The following XPO1 variants were observed in gnomAD, a reference collection of about 807,000 sequenced individuals.
The protein encoded by XPO1 is exportin-1.
XPO1 carries 5 observed loss-of-function variants against 133.3 expected under a neutral mutation model. The ratio of observed to expected loss-of-function variants is 0.04; its 90% CI spans 0.02 to 0.08. The LOEUF (loss-of-function observed/expected upper bound fraction) is 0.08, where lower values mean the gene tolerates loss of function less well. Ranked by LOEUF, XPO1 falls within the 10% of genes least tolerant of loss-of-function variation. XPO1 has a pLI of 1.00. For synonymous variants in XPO1, 419 were observed against 408.2 expected, an observed-to-expected ratio of 1.03 and a Z score of -0.32; for missense variants, 506 against 1,267.5, an observed-to-expected ratio of 0.40 and a Z score of 9.12.
At chr2:61,509,157 A>T (rs986724629) in intron 4 of XPO1, among the ~76,000 whole-genome samples, 1 of 148,434 alleles carries the variant, frequency 6.7e-6, no homozygotes, top group Non-Finnish European at 1.5e-5. Context: ...GCCCGTCACC[A>T]CGCCCAGCTG....
In XPO1 at chr2:61,495,530, C is replaced by T; in HGVS notation, c.972G>A (p.Leu324=). The change falls in exon 11 of 25, where the codon TTG becomes TTA. Residue 324 remains leucine (L), a synonymous_variant. Coordinates refer to ENST00000401558, the MANE Select transcript of XPO1 (RefSeq NM_003400.4). The part of the protein sequence containing the change: ...DEQNFIQNLS[L]FLCTFLKEHD... ...GTTCCTTAAGAAAGGTGCAGAGAAA[C>T]AAACTGAGATTTTGAATGAAGTTCT... 6.3e-7 allele frequency: 1 copy of T among 1,596,512 alleles called. No individual in the cohort carries two copies. The highest frequency in any genetic ancestry group is 1.7e-5 in the Admixed American group (1 of 59,258).
At chr2:61,495,315 T>C (rs1219492586) in intron 11 of XPO1, 140 bp downstream of exon 11, 5 of 590,326 alleles carry the variant, frequency 8.5e-6, no homozygotes, top group Non-Finnish European at 1.2e-5. Context: ...TAATTCAGAA[T>C]TGAGAATATA....
intron 4 of XPO1, among the ~76,000 whole-genome samples, chr2:61,506,213 G>A (rs1558654222): frequency 6.6e-6 from 1 of 152,234 alleles, no homozygotes; most frequent in South Asian, 2.1e-4. Flanking sequence ...TTGAGGTCAG[G>A]AGTTCCAGAC....
intron 3 of XPO1, among the ~76,000 whole-genome samples, chr2:61,523,582 G>C (rs1698788136): frequency 6.6e-6 from 1 of 152,140 alleles, no homozygotes; most frequent in Non-Finnish European, 1.5e-5. Context: ...GAGAATTAGG[G>C]AAGAATCAGC....
intron 9 of XPO1, 116 bp downstream of exon 9, chr2:61,498,557 T>C: frequency 2.2e-6 from 3 of 1,353,428 alleles, no homozygotes; most frequent in Non-Finnish European, 3.0e-6. Flanking sequence ...CTGAGCAGCG[T>C]CCTCGTGTTA....
rs570992224 is a variant in XPO1, at chr2:61,485,475, C to CCG, written c.2508+292_2508+293insCG. 3.2e-4 allele frequency: 47 copies of CCG among 145,294 alleles called. 3 individuals carry two copies. The East Asian group carries it at 9.6e-3, about 30-fold the overall frequency. 9.0% of individuals were successfully genotyped at this position (145,294 alleles called of 1,614,324 possible). On this transcript the variant is annotated intron_variant, in intron 20 of 24. Transcript: ENST00000401558. ...TCTTGAACTCCCAGGCTCAAGTGAC[C>CCG]CCCCCCCCCACTTCAGCCTTTCGAG...
chr2:61,524,239 C>A (rs560464675), intron 3 of XPO1, among the ~76,000 whole-genome samples: 13 of 152,232 alleles, frequency 8.5e-5, no homozygotes, highest in Non-Finnish European at 1.3e-4. Flanking sequence ...CTTTAAAACA[C>A]TAAGAAACAA....
rs1044149348 is a variant in XPO1 at position 61,499,999 on chromosome 2, C to A, written c.409-105G>T. The A allele has an allele frequency of 4.3e-5, 50 of 1,150,326 alleles. No individual in the cohort carries two copies. The African/African-American group carries it at 7.2e-4, about 17-fold the overall frequency. The allele number at this position is 1,150,326 out of a possible 1,614,324, so 71.3% of individuals were successfully genotyped here. On this transcript the variant is annotated intron_variant, in intron 6 of 24. Transcript: ENST00000401558. ...GATAAAGGCAGGAGTAAGGATAAAT[C>A]ACTTTTCATTTTCTCCTCCTTTATT... is the stretch of plus-strand genomic sequence containing the variant.
At chr2:61,484,145 C>G in intron 20 of XPO1, 40 bp from the exon 21 acceptor site, 1 of 1,553,688 alleles carries the variant, frequency 6.4e-7, no homozygotes, top group South Asian at 1.1e-5. Context: ...GTTTCAGTGT[C>G]TTTGTTGTGC....
chr2:61,511,958 C>T (rs935533140), intron 4 of XPO1, among the ~76,000 whole-genome samples: 6 of 151,692 alleles, frequency 4.0e-5, no homozygotes, highest in Non-Finnish European at 8.8e-5. Flanking sequence ...TTAGTAGAGA[C>T]GGGGTTTCAC....
chr2:61,482,593 T>C, intron 22 of XPO1, 54 bp from the exon 23 acceptor site: 1 of 1,414,692 alleles, frequency 7.1e-7, no homozygotes, highest in East Asian at 2.5e-5. Context: ...CTATAGATCT[T>C]AGCGTTTTTT....
intron 7 of XPO1, 115 bp from the exon 8 acceptor site, chr2:61,499,028 T>C (rs1697375982): frequency 1.6e-6 from 2 of 1,229,826 alleles, no homozygotes; most frequent in East Asian, 2.6e-5. Context: ...ATGCCTGTAA[T>C]CGCAGAACTT....
chr2:61,522,565 G>A (rs1698746373), intron 4 of XPO1, 46 bp downstream of exon 4: 1 of 1,536,378 alleles, frequency 6.5e-7, no homozygotes, highest in Non-Finnish European at 9.0e-7. Context: ...CAATAAAAAT[G>A]CCAGGAAAAA....
intron 9 of XPO1, among the ~76,000 whole-genome samples, chr2:61,498,446 T>C (rs1055737644): frequency 6.6e-6 from 1 of 152,216 alleles, no homozygotes; most frequent in Non-Finnish European, 1.5e-5. Flanking sequence ...ATCAAATCCA[T>C]TGTTCAAAAT....
In XPO1 at chr2:61,482,471, A is replaced by T. The variant is rs757807896; in HGVS notation, c.2881T>A (p.Ser961Thr). 6.2e-7 allele frequency: 1 copy of T among 1,613,576 alleles called. No individual in the cohort carries two copies. The highest frequency in any genetic ancestry group is 1.1e-5 in the South Asian group (1 of 90,966). The part of the protein sequence containing the change: ...NLVEEGKIST[S>T]LNPGNPVNNQ... ...TTAACTGGATTTCCAGGATTTAATG[A>T]TGTACTTATTTTTCCTTCTTCAACC... is the stretch of plus-strand genomic sequence containing the variant. The change falls in exon 23 of 25, where the codon TCA (serine) becomes ACA (threonine). Residue 961 changes from serine (S) to threonine (T), a missense_variant. By Grantham distance (58) the Ser-to-Thr change is moderately conservative. Coordinates refer to ENST00000401558, the MANE Select transcript of XPO1 (RefSeq NM_003400.4).
intron 4 of XPO1, among the ~76,000 whole-genome samples, chr2:61,520,356 A>C (rs1246910271): frequency 6.6e-6 from 1 of 152,194 alleles, no homozygotes; most frequent in Non-Finnish European, 1.5e-5. Context: ...TTAAAAAGGT[A>C]ATCATGTTGA....
intron 19 of XPO1, 128 bp downstream of exon 19, chr2:61,488,032 TAAATA>T (rs1170859628): frequency 2.3e-5 from 17 of 743,444 alleles, no homozygotes; most frequent in Non-Finnish European, 3.8e-5. Flanking sequence ...AGGACTACAA[TAAATA>T]AAATGCCATA....
intron 3 of XPO1, among the ~76,000 whole-genome samples, chr2:61,524,582 A>G (rs1439819315): frequency 6.6e-6 from 1 of 152,234 alleles, no homozygotes; most frequent in Admixed American, 6.5e-5. Context: ...CCAGACATAA[A>G]GACTTTGCCT....
At chr2:61,490,339 C>T (rs1222976944) in intron 17 of XPO1, among the ~76,000 whole-genome samples, 1 of 151,998 alleles carries the variant, frequency 6.6e-6, no homozygotes, top group Non-Finnish European at 1.5e-5. Context: ...GCTGGGATTA[C>T]AGGCATGTGC....
Sources: gnomAD v4.1 joint callset for allele counts (sites outside exome capture counted in the v4.1 genomes callset) on GRCh38, gnomAD v4.1.1 for gene constraint, MANE v1.5 for transcripts, NCBI Gene and HGNC (gene_info 2026-07-23, HGNC 2026-07-21) for gene names.